Variants in CTNNA2 observed in about 807,000 individuals in gnomAD.
The protein encoded by CTNNA2 is catenin alpha 2.
CTNNA2 carries 42 observed loss-of-function variants against 101.0 expected under a neutral mutation model. The observed-to-expected ratio is 0.42, with a 90% CI of 0.32 to 0.54. The LOEUF (loss-of-function observed/expected upper bound fraction) is 0.54, where lower values mean the gene tolerates loss of function less well. Among genes scored for constraint, CTNNA2 ranks in the 20% least tolerant of loss-of-function variants. CTNNA2 has a pLI of 0.14. For missense variants in CTNNA2, 871 were observed against 1,223.1 expected (o/e 0.71, Z 4.29); for synonymous variants, 450 against 456.4 (o/e 0.99, Z 0.18).
At chr2:80,017,255 G>C (rs183589902) in intron 7 of CTNNA2, among the ~76,000 whole-genome samples, 1 of 152,052 alleles carries the variant, frequency 6.6e-6, no homozygotes, top group East Asian at 1.9e-4. Flanking sequence ...AATAATACCT[G>C]GCACTATTAG....
intron 9 of CTNNA2, among the ~76,000 whole-genome samples, chr2:80,456,427 G>C (rs756043683): frequency 5.9e-5 from 9 of 152,158 alleles, no homozygotes; most frequent in Non-Finnish European, 1.0e-4. Context: ...AGTACATTTG[G>C]GTGGACTGGG....
At chr2:79,971,510 G>A (rs1371302017) in intron 7 of CTNNA2, among the ~76,000 whole-genome samples, 3 of 152,084 alleles carry the variant, frequency 2.0e-5, no homozygotes, top group Non-Finnish European at 2.9e-5. Flanking sequence ...TAAGCACTTT[G>A]CATGGATGAC....
chr2:79,596,017 AC>A (rs1357335262), intron 1 of CTNNA2, among the ~76,000 whole-genome samples: 2 of 150,820 alleles, frequency 1.3e-5, no homozygotes, highest in Non-Finnish European at 2.9e-5. Flanking sequence ...CCTCTGGAAA[AC>A]TTTTATTTAT....
At chr2:80,026,227 G>A (rs1694916564) in intron 7 of CTNNA2, among the ~76,000 whole-genome samples, 1 of 152,180 alleles carries the variant, frequency 6.6e-6, no homozygotes, top group South Asian at 2.1e-4. Context: ...GAATGATTTT[G>A]CAGAAAAACA....
intron 9 of CTNNA2, among the ~76,000 whole-genome samples, chr2:80,525,242 A>T (rs1368942161): frequency 6.6e-6 from 1 of 151,726 alleles, no homozygotes; most frequent in Non-Finnish European, 1.5e-5. Flanking sequence ...TGCCTCCCCA[A>T]CACACACAGT....
At chr2:79,963,774 A>T (rs1487634696) in intron 7 of CTNNA2, among the ~76,000 whole-genome samples, 1 of 152,216 alleles carries the variant, frequency 6.6e-6, no homozygotes, top group Non-Finnish European at 1.5e-5. Context: ...TGCTAAATGC[A>T]TCTTACCTTA....
At chr2:80,217,536 C>T (rs756770035) in intron 7 of CTNNA2, among the ~76,000 whole-genome samples, 9 of 151,948 alleles carry the variant, frequency 5.9e-5, no homozygotes, top group Non-Finnish European at 1.0e-4. Flanking sequence ...CACTGAAAGC[C>T]CATGGCTTTC....
At chr2:80,596,645 A>G (rs913101422) in intron 15 of CTNNA2, among the ~76,000 whole-genome samples, 3 of 151,988 alleles carry the variant, frequency 2.0e-5, no homozygotes, top group African/African-American at 7.2e-5. Context: ...CAATCATGTC[A>G]TCTGCAAACA....
chr2:79,197,443 C>T (rs576436121), intron 1 of CTNNA2, among the ~76,000 whole-genome samples: 17 of 152,324 alleles, frequency 1.1e-4, no homozygotes, highest in Admixed American at 9.8e-4. Flanking sequence ...TTGACCAAGT[C>T]CTAACTTCTC....
At chr2:80,125,969 A>C (rs1224162366) in intron 7 of CTNNA2, among the ~76,000 whole-genome samples, 1 of 152,296 alleles carries the variant, frequency 6.6e-6, no homozygotes, top group East Asian at 1.9e-4. Context: ...AAAAGCAATA[A>C]TGATTGGAAA....
intron 3 of CTNNA2, among the ~76,000 whole-genome samples, chr2:79,824,508 C>T (rs1433167823): frequency 6.6e-6 from 1 of 152,158 alleles, no homozygotes; most frequent in African/African-American, 2.4e-5. Flanking sequence ...GAGCACTGCC[C>T]CAGTGCTTAT....
At chr2:79,284,869 G>A (rs1186043675) in intron 2 of CTNNA2, among the ~76,000 whole-genome samples, 3 of 140,512 alleles carry the variant, frequency 2.1e-5, no homozygotes, top group Admixed American at 7.3e-5. Flanking sequence ...GGTAGAATTC[G>A]GCTGTGAATC....
At chr2:79,941,489 C>G (rs963587193) in intron 7 of CTNNA2, among the ~76,000 whole-genome samples, 1 of 152,210 alleles carries the variant, frequency 6.6e-6, no homozygotes, top group African/African-American at 2.4e-5. Flanking sequence ...ATGCATTAAT[C>G]TCACTAATGG....
Position 79,626,008 on chromosome 2 carries a change from G to A in CTNNA2, c.-5-25544G>A, listed in dbSNP as rs115305236. Reference sequence around the variant, plus strand: ...TTTCTGGTCCAGCCTGGGGGAATGAGGGAATGGGTGGTTGTAGGTGTGTGT... The same window carrying A: ...TTTCTGGTCCAGCCTGGGGGAATGAAGGAATGGGTGGTTGTAGGTGTGTGT... On this transcript the variant is annotated intron_variant, in intron 1 of 18. Transcript: ENST00000402739. 2.6e-3 allele frequency among the ~76,000 whole-genome samples: 395 copies of A among 152,224 alleles called. 1 individual carries two copies. Among genetic ancestry groups the A allele is most frequent in the African/African-American group, 8.8e-3 (365 of 41,544 alleles).
chr2:80,041,136 G>A (rs539387246), intron 7 of CTNNA2, among the ~76,000 whole-genome samples: 7 of 151,854 alleles, frequency 4.6e-5, no homozygotes, highest in Admixed American at 1.3e-4. Context: ...TTTATGATAC[G>A]TACTGTGGCT....
At chr2:79,513,443 G>C (rs1012176969) in intron 1 of CTNNA2, among the ~76,000 whole-genome samples, 1 of 151,782 alleles carries the variant, frequency 6.6e-6, no homozygotes, top group South Asian at 2.1e-4. Flanking sequence ...CTTCCTTGCA[G>C]CCACTCGCCC....
At chr2:79,308,920 C>T (rs1266468924) in intron 2 of CTNNA2, among the ~76,000 whole-genome samples, 1 of 151,560 alleles carries the variant, frequency 6.6e-6, no homozygotes, top group East Asian at 1.9e-4. Flanking sequence ...TTTATTTACT[C>T]TTTCAGATAC....
At chr2:80,125,060 G>A (rs1298414785) in intron 7 of CTNNA2, among the ~76,000 whole-genome samples, 2 of 152,172 alleles carry the variant, frequency 1.3e-5, no homozygotes. Context: ...AATGTTTTTG[G>A]AAAGAACATC....
At chr2:80,592,191 T>C (rs1696572561) in intron 15 of CTNNA2, among the ~76,000 whole-genome samples, 1 of 152,170 alleles carries the variant, frequency 6.6e-6, no homozygotes, top group Non-Finnish European at 1.5e-5. Context: ...TACTGAGCAC[T>C]AGACTCAAAA....
Sources: allele counts gnomAD v4.1 joint callset (sites outside exome capture counted in the v4.1 genomes callset), GRCh38; gene constraint gnomAD v4.1.1; transcripts MANE v1.5; gene names NCBI Gene and HGNC (gene_info 2026-07-23, HGNC 2026-07-21).